DAB1: variants seen among roughly 807,000 people sequenced by gnomAD.
DAB1 encodes the protein DAB adaptor protein 1, also known as disabled homolog 1.
In DAB1, 15 loss-of-function variants were observed where a neutral mutation model predicts 64.6. That is an observed-to-expected ratio of 0.23 (90% CI 0.16 to 0.36). DAB1 has a LOEUF of 0.36. Ranked by LOEUF, DAB1 falls within the 10% of genes least tolerant of loss-of-function variation. The pLI, the probability that DAB1 is intolerant of heterozygous loss-of-function variation, is 1.00. For synonymous variants in DAB1, 235 were observed against 251.9 expected (o/e 0.93, Z 0.64); for missense variants, 596 against 706.7 (o/e 0.84, Z 1.78).
intron 1 of DAB1, among the ~76,000 whole-genome samples, chr1:57,314,998 C>A (rs1267735280): frequency 1.3e-5 from 2 of 152,028 alleles, no homozygotes. Flanking sequence ...TTAAATAAGA[C>A]CAGAAATTCT....
At chr1:58,009,714 T>A (rs1295099957) in intron 5 of DAB1, among the ~76,000 whole-genome samples, 3 of 152,220 alleles carry the variant, frequency 2.0e-5, no homozygotes, top group Non-Finnish European at 4.4e-5. Flanking sequence ...GTTCTACTTA[T>A]CTCTGACACC....
At chr1:57,525,732 C>T (rs914994409) in intron 7 of DAB1, among the ~76,000 whole-genome samples, 3 of 151,790 alleles carry the variant, frequency 2.0e-5, no homozygotes, top group African/African-American at 7.3e-5. Context: ...TTATTAACCA[C>T]ATTATTATTA....
At chr1:58,258,156 G>C (rs956015738) in intron 4 of DAB1, among the ~76,000 whole-genome samples, 1 of 151,724 alleles carries the variant, frequency 6.6e-6, no homozygotes, top group Non-Finnish European at 1.5e-5. Flanking sequence ...GGGTGTCTTC[G>C]CACACCAGGA....
chr1:57,780,901 T>C (rs1375936895), intron 6 of DAB1, among the ~76,000 whole-genome samples: 11 of 151,508 alleles, frequency 7.3e-5, no homozygotes, highest in Non-Finnish European at 1.2e-4. Context: ...TAATTTTTTG[T>C]ATTTTTAGTA....
At position 58,413,627 on chromosome 1, in the gene DAB1, G is replaced by T. The variant is rs557870582; in HGVS notation, n.258-70224C>A. Among the ~76,000 whole-genome samples the T allele has an allele frequency of 3.3e-5, 5 of 152,338 alleles. No individual in the cohort carries two copies. The South Asian group carries it at 6.2e-4, about 19-fold the overall frequency. The stretch of plus-strand genomic sequence containing the variant: ...ATGCTAACAGTCCAGGGTGCTGGGG[G>T]TCTGCGTTGAGTGAGAATGCCATGC... On this transcript the variant is annotated intron_variant and non_coding_transcript_variant, in intron 3 of 20. Transcript: ENST00000485760.
At chr1:58,521,520 TG>T (rs1275625005) in intron 2 of DAB1, among the ~76,000 whole-genome samples, 1 of 151,834 alleles carries the variant, frequency 6.6e-6, no homozygotes, top group Admixed American at 6.6e-5. Flanking sequence ...TTGATGAAAG[TG>T]ATAAAATCTA....
At chr1:57,838,324 C>A (rs1652903084) in intron 1 of DAB1, among the ~76,000 whole-genome samples, 1 of 151,972 alleles carries the variant, frequency 6.6e-6, no homozygotes, top group African/African-American at 2.4e-5. Flanking sequence ...GAAAAAAATT[C>A]TTAAAGAAAA....
intron 1 of DAB1, among the ~76,000 whole-genome samples, chr1:57,349,236 C>T (rs35335448): frequency 0.021 from 3,140 of 152,254 alleles, 39 homozygotes; most frequent in South Asian, 0.035. Context: ...CTCCTTCATG[C>T]TTGAATTAGG....
intron 3 of DAB1, among the ~76,000 whole-genome samples, chr1:58,454,521 T>G (rs1472006255): frequency 6.6e-6 from 1 of 151,986 alleles, no homozygotes; most frequent in East Asian, 1.9e-4. Context: ...TCGACGGATG[T>G]CAGGGCAGGC....
At chr1:58,352,338 A>G (rs970297695) in intron 3 of DAB1, among the ~76,000 whole-genome samples, 6 of 152,132 alleles carry the variant, frequency 3.9e-5, no homozygotes, top group Admixed American at 1.3e-4. Context: ...CATGTGTGCA[A>G]CTCAACCTTC....
In DAB1 at chr1:57,071,060, G is replaced by A; in HGVS notation, c.560C>T (p.Thr187Ile). The A allele has an allele frequency of 1.2e-6, 2 of 1,612,328 alleles. No homozygotes were observed. The highest frequency in any genetic ancestry group is 1.7e-6 in the Non-Finnish European group (2 of 1,178,464). ...ATCTTCAACATCCTCTTCCAATATT[G>A]TCTATTGCAGAGTAAGGAGAGGGAG... The part of the protein sequence containing the change: ...DKQCEQAVYQ[T>I]ILEEDVEDPV... The change falls in exon 7 of 15, where the codon ACA (threonine) becomes ATA (isoleucine). Residue 187 changes from threonine (T) to isoleucine (I), a missense_variant and splice_region_variant. Around this residue, in one of 3 missense-constraint regions of DAB1, gnomAD observed 176 missense variants for 266.7 expected, o/e 0.66. Coordinates refer to ENST00000371236, the MANE Select transcript of DAB1 (RefSeq NM_001365792.1).
chr1:57,072,515 G>T (rs1651580855), intron 4 of DAB1, 101 bp from the exon 5 acceptor site: 1 of 1,344,888 alleles, frequency 7.4e-7, no homozygotes, highest in Admixed American at 2.2e-5. Context: ...CAGGCCCGAA[G>T]GGCTTTGGAA....
At chr1:57,036,776 G>C (rs865965149) in intron 9 of DAB1, among the ~76,000 whole-genome samples, 1 of 152,026 alleles carries the variant, frequency 6.6e-6, no homozygotes, top group Non-Finnish European at 1.5e-5. Context: ...TTTCAATATG[G>C]TTCTGGCTTG....
At chr1:57,680,985 T>C (rs914328039) in intron 6 of DAB1, among the ~76,000 whole-genome samples, 4 of 152,230 alleles carry the variant, frequency 2.6e-5, no homozygotes, top group Non-Finnish European at 4.4e-5. Context: ...CTCCCTCTAT[T>C]GCATTAGTTT....
chr1:57,545,530 C>T lies in DAB1; in HGVS notation n.625+104062G>A, dbSNP rs1308558666. On this transcript the variant is annotated intron_variant and non_coding_transcript_variant, in intron 7 of 20. Transcript: ENST00000485760. ...ACCAGAACAGTTGGTCAACCTATTG[C>T]TCTTCCCCCTTCAAATGTTGGGCTC... Among the ~76,000 whole-genome samples, 3 of 152,166 alleles carry T rather than the reference C, an allele frequency of 2.0e-5. No individual in the cohort carries two copies. In the East Asian group the frequency reaches 5.8e-4, roughly 29 times the overall value.
At position 58,492,798 on chromosome 1, in the gene DAB1, C is replaced by G. The variant is rs1303402799; in HGVS notation, n.257+13262G>C. ...AATAGCTTACCAACCAAAAAAAGTC[C>G]AGGACCAGATGGATTCACAGCCGAA... On this transcript the variant is annotated intron_variant and non_coding_transcript_variant, in intron 3 of 20. Coordinates refer to the DAB1 transcript ENST00000485760. Among the ~76,000 whole-genome samples the G allele has an allele frequency of 2.0e-5, 3 of 152,070 alleles. No homozygotes were observed. In the South Asian group the frequency reaches 6.2e-4, roughly 32 times the overall value.
At chr1:57,946,294 G>A (rs768504061) in intron 5 of DAB1, among the ~76,000 whole-genome samples, 22 of 152,144 alleles carry the variant, frequency 1.4e-4, no homozygotes, top group Non-Finnish European at 2.6e-4. Context: ...CTAACTATAC[G>A]TGGAGCCCTC....
At chr1:57,572,759 GCA>G (rs934050702) in intron 7 of DAB1, among the ~76,000 whole-genome samples, 1 of 152,186 alleles carries the variant, frequency 6.6e-6, no homozygotes, top group Admixed American at 6.5e-5. Flanking sequence ...ATTACGGGAA[GCA>G]CAGTTTTGGC....
upstream of DAB1, among the ~76,000 whole-genome samples, chr1:57,886,003 A>G (rs1644215592): frequency 6.6e-6 from 1 of 152,172 alleles, no homozygotes; most frequent in Non-Finnish European, 1.5e-5. Flanking sequence ...GCTTTAATCA[A>G]ATTAGTTTAT....
Sources: gnomAD v4.1 joint callset for allele counts (sites outside exome capture counted in the v4.1 genomes callset) on GRCh38, gnomAD v4.1.1 for gene constraint, gnomAD v4.1.1 regional missense constraint, MANE v1.5 for transcripts, NCBI Gene and HGNC (gene_info 2026-07-23, HGNC 2026-07-21) for gene names.